ESYT2: variants seen among roughly 807,000 people sequenced by gnomAD.
ESYT2 encodes extended synaptotagmin-2.
A neutral mutation model predicts 107.2 loss-of-function variants in ESYT2; 54 were observed. The observed-to-expected ratio is 0.50, with a 90% CI of 0.40 to 0.63. The LOEUF is 0.63. Ranked by LOEUF, ESYT2 falls within the 30% of genes least tolerant of loss-of-function variation. ESYT2 has a pLI of 0.00. For synonymous variants in ESYT2, 491 were observed against 434.1 expected (o/e 1.13, Z -1.63); for missense variants, 1,020 against 1,094.5 (o/e 0.93, Z 0.96).
Position 158,764,787 on chromosome 7 carries a change from G to C in ESYT2, c.991C>G (p.Leu331Val). The C allele has an allele frequency of 6.2e-7, 1 of 1,614,152 alleles. No homozygotes were observed. The highest frequency in any genetic ancestry group is 8.5e-7 in the Non-Finnish European group (1 of 1,180,010). ...LQGKDTYLKG[L>V]VKGKSDPYGI... ...TAGGGGTCTGACTTTCCCTTGACAA[G>C]TCCCTTAAGGTAAGTGTCTTTCCCC... The change falls in exon 9 of 23, where the codon CTT (leucine) becomes GTT (valine). Residue 331 changes from leucine (L) to valine (V), a missense_variant. Transcript: ENST00000275418.
chr7:158,763,614 C>T (rs1430029360), intron 9 of ESYT2, among the ~76,000 whole-genome samples: 1 of 152,042 alleles, frequency 6.6e-6, no homozygotes, highest in Admixed American at 6.6e-5. Context: ...TTTTAGGACA[C>T]TTATTTTTTT....
At chr7:158,791,338 T>C (rs1261513669) in intron 4 of ESYT2, among the ~76,000 whole-genome samples, 4 of 152,240 alleles carry the variant, frequency 2.6e-5, no homozygotes, top group African/African-American at 9.6e-5. Context: ...CCACGCATCC[T>C]TGGGCTGCTT....
intron 16 of ESYT2, among the ~76,000 whole-genome samples, chr7:158,744,439 A>G (rs73517592): frequency 0.021 from 3,179 of 152,330 alleles, 111 homozygotes; most frequent in African/African-American, 0.071. Flanking sequence ...GTTTCCATTC[A>G]TGACATTTAT....
intron 1 of ESYT2, among the ~76,000 whole-genome samples, chr7:158,807,668 G>C (rs904210374): frequency 6.6e-6 from 1 of 152,224 alleles, no homozygotes; most frequent in African/African-American, 2.4e-5. Flanking sequence ...TCCCCATAAA[G>C]GGTCAGACAG....
chr7:158,829,025 G>T, intron 1 of ESYT2, 64 bp downstream of exon 1: 1 of 1,539,568 alleles, frequency 6.5e-7, no homozygotes, highest in African/African-American at 1.4e-5. Context: ...GGGAGTGCCT[G>T]CCTGGACGAG....
chr7:158,751,626 C>T (rs1038581018), intron 14 of ESYT2, among the ~76,000 whole-genome samples: 8 of 152,230 alleles, frequency 5.3e-5, no homozygotes, highest in African/African-American at 1.7e-4. Flanking sequence ...TATATATTAT[C>T]CTAGCTACAC....
chr7:158,751,618 T>C (rs1028203661), intron 14 of ESYT2, among the ~76,000 whole-genome samples: 1 of 152,194 alleles, frequency 6.6e-6, no homozygotes, highest in Admixed American at 6.5e-5. Flanking sequence ...AATTATAATA[T>C]ATATTATCCT....
chr7:158,811,150 C>A (rs1000886539), intron 1 of ESYT2, among the ~76,000 whole-genome samples: 1 of 151,824 alleles, frequency 6.6e-6, no homozygotes, highest in Non-Finnish European at 1.5e-5. Context: ...CAGAATGACA[C>A]TGTCTCTTAA....
intron 1 of ESYT2, among the ~76,000 whole-genome samples, chr7:158,828,089 A>G (rs1421300415): frequency 6.6e-6 from 1 of 152,198 alleles, no homozygotes; most frequent in Non-Finnish European, 1.5e-5. Context: ...TCGATCCCAT[A>G]TAAAAATGCT....
intron 7 of ESYT2, among the ~76,000 whole-genome samples, chr7:158,771,936 T>C (rs1210374672): frequency 6.6e-6 from 1 of 152,030 alleles, no homozygotes; most frequent in Non-Finnish European, 1.5e-5. Flanking sequence ...CTGGCCAACA[T>C]GGCGAAACCC....
chr7:158,800,880 C>T (rs1055927087), intron 1 of ESYT2, among the ~76,000 whole-genome samples: 5 of 152,108 alleles, frequency 3.3e-5, no homozygotes, highest in Admixed American at 1.3e-4. Context: ...AGGCGGGTAC[C>T]GCCACACCCT....
At chr7:158,782,672 G>A (rs1392394787) in intron 6 of ESYT2, among the ~76,000 whole-genome samples, 1 of 152,184 alleles carries the variant, frequency 6.6e-6, no homozygotes, top group Non-Finnish European at 1.5e-5. Flanking sequence ...ACAAGTGTGA[G>A]AACAAATGTG....
chr7:158,825,138 C>T (rs1379253426), intron 1 of ESYT2, among the ~76,000 whole-genome samples: 1 of 152,132 alleles, frequency 6.6e-6, no homozygotes, highest in African/African-American at 2.4e-5. Context: ...ACTAAAAACA[C>T]AAAAATTAGC....
chr7:158,763,363 T>C lies in ESYT2; in HGVS notation c.1102-198A>G, dbSNP rs543155593. Among the ~76,000 whole-genome samples, 11 of 152,222 alleles carry C rather than the reference T, an allele frequency of 7.2e-5. 1 individual carries two copies. The highest frequency in any genetic ancestry group is 2.0e-4 in the Admixed American group (3 of 15,298). The stretch of plus-strand genomic sequence containing the variant: ...AGGTTGGAGTGCAGTGGCACAATCT[T>C]GGCTCACTGCAACCTCCGCCTCCTG... On this transcript the variant is annotated intron_variant, in intron 9 of 22. Transcript: ENST00000275418.
chr7:158,749,691 AGGAT>A lies in ESYT2; in HGVS notation c.1511_1514del (p.Asn504MetfsTer57). Reference sequence around the variant, plus strand: ...TGTGCCCAACTGACATCTGGACAACAGGATTTGGGTTGCTGCTTATTTTCTTCCC... The same window carrying A: ...TGTGCCCAACTGACATCTGGACAACATTGGGTTGCTGCTTATTTTCTTCCC... On this transcript the variant is annotated frameshift_variant, in exon 15 of 23. Coordinates refer to ENST00000275418, the MANE Select transcript of ESYT2 (RefSeq NM_001367773.1). LOFTEE classifies it high-confidence loss of function. 6.2e-7 allele frequency: 1 copy of A among 1,614,084 alleles called. No homozygotes were observed. The highest frequency in any genetic ancestry group is 8.5e-7 in the Non-Finnish European group (1 of 1,179,990).
intron 1 of ESYT2, among the ~76,000 whole-genome samples, chr7:158,818,058 G>C (rs1007536291): frequency 6.6e-6 from 1 of 152,078 alleles, no homozygotes; most frequent in Non-Finnish European, 1.5e-5. Flanking sequence ...TATAATACAC[G>C]TTAAAATTAA....
chr7:158,808,359 T>C (rs1304976948), intron 1 of ESYT2, among the ~76,000 whole-genome samples: 1 of 152,270 alleles, frequency 6.6e-6, no homozygotes, highest in African/African-American at 2.4e-5. Context: ...TCACCTGTGC[T>C]GTCTTGATCG....
intron 16 of ESYT2, among the ~76,000 whole-genome samples, chr7:158,747,457 C>T (rs1315090030): frequency 6.6e-6 from 1 of 151,630 alleles, no homozygotes; most frequent in Non-Finnish European, 1.5e-5. Flanking sequence ...GACATTTCAC[C>T]ATAGAAGATA....
chr7:158,739,639 C>T (rs1837120569), intron 18 of ESYT2, among the ~76,000 whole-genome samples: 1 of 152,174 alleles, frequency 6.6e-6, no homozygotes, highest in African/African-American at 2.4e-5. Context: ...TGAGCCATCG[C>T]GTCCAGCCAA....
Sources: gnomAD v4.1 joint callset for allele counts (sites outside exome capture counted in the v4.1 genomes callset) on GRCh38, gnomAD v4.1.1 for gene constraint, MANE v1.5 for transcripts, NCBI Gene and HGNC (gene_info 2026-07-23, HGNC 2026-07-21) for gene names.